Variants in AP4E1 observed in about 807,000 individuals in gnomAD.
AP4E1 encodes the protein AP-4 complex subunit epsilon-1.
In AP4E1, 56 loss-of-function variants were observed where a neutral mutation model predicts 128.2. The observed-to-expected ratio is 0.44, with a 90% CI of 0.35 to 0.55. The LOEUF (loss-of-function observed/expected upper bound fraction) is 0.55. Among genes scored for constraint, AP4E1 ranks in the 20% least tolerant of loss-of-function variants. AP4E1 has a pLI of 0.00. For missense variants in AP4E1, 1,324 were observed against 1,307.7 expected (o/e 1.01, Z -0.19); for synonymous variants, 484 against 473.1 (o/e 1.02, Z -0.30).
At chr15:50,984,888 C>CT (rs1382633203) in intron 16 of AP4E1, among the ~76,000 whole-genome samples, 3 of 152,252 alleles carry the variant, frequency 2.0e-5, no homozygotes, top group African/African-American at 7.2e-5. Context: ...ACCACACTGT[C>CT]TTCCACAATG....
chr15:50,937,870 C>A (rs894685192), intron 8 of AP4E1, among the ~76,000 whole-genome samples: 1 of 152,184 alleles, frequency 6.6e-6, no homozygotes, highest in Admixed American at 6.5e-5. Flanking sequence ...CCTGTCACAA[C>A]AGCCAAATGA....
chr15:50,941,847 A>T, intron 10 of AP4E1, 72 bp downstream of exon 10: 1 of 1,105,478 alleles, frequency 9.0e-7, no homozygotes, highest in South Asian at 1.3e-5. Flanking sequence ...TTGTGTAGAG[A>T]GATTAAAGTG....
In AP4E1 at chr15:50,950,140, C is replaced by A; in HGVS notation, c.1519C>A (p.Pro507Thr). ...ACTGGATATGGAAAATGTGTTCTAT[C>A]CACAGAGATTTCTTCAAGTTATGAG... ...TLLDMENVFY[P>T]QRFLQVMSWV... is the part of the protein sequence containing the mutation. The change falls in exon 13 of 21, where the codon CCA (proline) becomes ACA (threonine). Residue 507 changes from proline (P) to threonine (T), a missense_variant. Coordinates refer to ENST00000261842, the MANE Select transcript of AP4E1 (RefSeq NM_007347.5). The A allele has an allele frequency of 6.2e-7, 1 of 1,612,394 alleles. No homozygotes were observed. The highest frequency in any genetic ancestry group is 8.5e-7 in the Non-Finnish European group (1 of 1,178,912).
Position 50,958,779 on chromosome 15 carries a change from T to A in AP4E1, c.1836T>A (p.Ser612Arg). 1 of 1,614,090 alleles carries A rather than the reference T, an allele frequency of 6.2e-7. No homozygotes were observed. Among genetic ancestry groups the A allele is most frequent in the East Asian group, 2.2e-5 (1 of 44,868 alleles). The change falls in exon 14 of 21, where the codon AGT (serine) becomes AGA (arginine). Residue 612 changes from serine (S) to arginine (R), a missense_variant. Ser to Arg is a moderately radical substitution (Grantham distance 110). Transcript: ENST00000261842. The part of the protein sequence containing the change: ...LMKSLLPVDR[S>R]CEDLVVDASL... Reference sequence around the variant, plus strand: ...AGAGCTTGCTTCCAGTTGACAGGAGTTGTGAAGACTTGGTGGTAAGACATT... The same window carrying A: ...AGAGCTTGCTTCCAGTTGACAGGAGATGTGAAGACTTGGTGGTAAGACATT...
At chr15:50,962,928 G>C (rs1358339854) in intron 14 of AP4E1, among the ~76,000 whole-genome samples, 1 of 116,758 alleles carries the variant, frequency 8.6e-6, no homozygotes, top group Non-Finnish European at 1.6e-5. Context: ...CCCATTTAAA[G>C]GTGGGCAAAG....
In AP4E1 at chr15:50,930,795, G is replaced by A; in HGVS notation, c.703-10G>A. On this transcript the variant is annotated splice_polypyrimidine_tract_variant and intron_variant, in intron 6 of 20. Transcript: ENST00000261842. ...GTTATTAACAAAGTTTTTTTTGCGGGGGGATGTAGGAGAATTCATCTGGAT... is the reference window on the plus strand; with the variant it reads ...GTTATTAACAAAGTTTTTTTTGCGGAGGGATGTAGGAGAATTCATCTGGAT... The A allele has an allele frequency of 1.2e-6, 2 of 1,612,366 alleles. No homozygotes were observed. Among genetic ancestry groups the A allele is most frequent in the Non-Finnish European group, 1.7e-6 (2 of 1,179,502 alleles).
intron 5 of AP4E1, among the ~76,000 whole-genome samples, chr15:50,928,669 G>A (rs370257838): frequency 6.9e-6 from 1 of 145,302 alleles, no homozygotes; most frequent in African/African-American, 2.6e-5. Flanking sequence ...TTAGAGATAC[G>A]TCTTTTAAAA....
At chr15:50,963,566 C>CG (rs990300189) in intron 14 of AP4E1, among the ~76,000 whole-genome samples, 6 of 151,904 alleles carry the variant, frequency 3.9e-5, no homozygotes, top group African/African-American at 1.2e-4. Context: ...TGGGAAGGGT[C>CG]GGGGGGCAGG....
chr15:50,972,988 A>G (rs1398488902), intron 15 of AP4E1, among the ~76,000 whole-genome samples: 1 of 152,244 alleles, frequency 6.6e-6, no homozygotes, highest in East Asian at 1.9e-4. Context: ...AGAAACAGCT[A>G]ATAAAGGAAA....
At chr15:50,954,254 C>T (rs900148214) in intron 13 of AP4E1, among the ~76,000 whole-genome samples, 1 of 152,098 alleles carries the variant, frequency 6.6e-6, no homozygotes, top group Non-Finnish European at 1.5e-5. Context: ...CAAAGTAATA[C>T]TAGTTTCATA....
intron 18 of AP4E1, among the ~76,000 whole-genome samples, chr15:50,998,188 T>C (rs2064906776): frequency 9.7e-6 from 1 of 103,554 alleles, no homozygotes; most frequent in Non-Finnish European, 2.4e-5. Context: ...ATTGTATGGA[T>C]GTCCTTGGTG....
chr15:50,952,704 C>T (rs1328879120), intron 13 of AP4E1, among the ~76,000 whole-genome samples: 1 of 151,898 alleles, frequency 6.6e-6, no homozygotes, highest in African/African-American at 2.4e-5. Context: ...TTATAATGAA[C>T]CCCACTTTCT....
chr15:50,953,406 G>A (rs1355823545), intron 13 of AP4E1, among the ~76,000 whole-genome samples: 1 of 152,178 alleles, frequency 6.6e-6, no homozygotes, highest in Non-Finnish European at 1.5e-5. Flanking sequence ...AATAGGAAAT[G>A]GAAAATTCCA....
chr15:50,997,977 A>C lies in AP4E1; in HGVS notation c.2904+94A>C, dbSNP rs963314669. 52 of 949,848 alleles carry C rather than the reference A, an allele frequency of 5.5e-5. No homozygotes were observed. In the African/African-American group the frequency reaches 8.3e-4, roughly 15 times the overall value. The allele number at this position is 949,848 out of a possible 1,614,324, so 58.8% of individuals were successfully genotyped here. On this transcript the variant is annotated intron_variant, in intron 18 of 20. Coordinates refer to ENST00000261842, the MANE Select transcript of AP4E1 (RefSeq NM_007347.5). ...AAATGTCTCCTTCACTTTTGTCATA[A>C]ACACTAAAACGAAATTCTCAAATTA...
intron 6 of AP4E1, 91 bp from the exon 7 acceptor site, chr15:50,930,714 T>A (rs1596465664): frequency 1.7e-6 from 2 of 1,195,310 alleles, no homozygotes; most frequent in East Asian, 2.3e-5. Context: ...CTTAAGTATG[T>A]ATTAAGTCAG....
At chr15:50,910,202 G>C (rs2063547652) in intron 1 of AP4E1, among the ~76,000 whole-genome samples, 1 of 152,170 alleles carries the variant, frequency 6.6e-6, no homozygotes, top group Non-Finnish European at 1.5e-5. Context: ...GGGCAGGCTG[G>C]TCTTGAACTG....
intron 10 of AP4E1, among the ~76,000 whole-genome samples, chr15:50,943,081 T>C (rs993310106): frequency 5.3e-5 from 8 of 152,108 alleles, no homozygotes; most frequent in Non-Finnish European, 1.2e-4. Flanking sequence ...CCCCAGTGTC[T>C]ATTGTTTCAT....
intron 3 of AP4E1, among the ~76,000 whole-genome samples, chr15:50,919,562 ATAAATAAATAAATAAG>A (rs1417678845): frequency 1.5e-5 from 2 of 137,686 alleles, no homozygotes; most frequent in African/African-American, 5.0e-5. Flanking sequence ...AAATAAATAA[ATAAATAAATAAATAAG>A]TAAATAAATT....
At chr15:50,930,158 C>T (rs966393700) in intron 6 of AP4E1, among the ~76,000 whole-genome samples, 4 of 146,640 alleles carry the variant, frequency 2.7e-5, no homozygotes, top group Non-Finnish European at 6.0e-5. Context: ...ACCTCCCCGT[C>T]CCAGGTTCAA....
Sources: allele counts gnomAD v4.1 joint callset (sites outside exome capture counted in the v4.1 genomes callset), GRCh38; gene constraint gnomAD v4.1.1; transcripts MANE v1.5; gene names NCBI Gene and HGNC (gene_info 2026-07-23, HGNC 2026-07-21).